Variants in LMBR1 observed in about 807,000 individuals in gnomAD.
The protein encoded by LMBR1 is limb development membrane protein 1.
Under a neutral mutation model 73.9 loss-of-function variants are expected in LMBR1, and 52 were observed. That is an observed-to-expected ratio of 0.70 (90% CI 0.56 to 0.89). The LOEUF (loss-of-function observed/expected upper bound fraction) is 0.89, where lower values mean the gene tolerates loss of function less well. LMBR1 is among the 40% of genes least tolerant of loss of function. LMBR1 has a pLI of 0.00. For synonymous variants in LMBR1, 215 were observed against 209.4 expected (o/e 1.03, Z -0.23); for missense variants, 539 against 579.8 (o/e 0.93, Z 0.72).
intron 15 of LMBR1, among the ~76,000 whole-genome samples, chr7:156,703,977 TC>T (rs1342308927): frequency 3.3e-5 from 5 of 152,088 alleles, no homozygotes; most frequent in African/African-American, 1.2e-4. Flanking sequence ...TGCAACAACT[TC>T]TAACACAAGG....
At chr7:156,687,845 CACTGTATTACAGATAAGGAAGCTAA>C (rs1209970266) in intron 16 of LMBR1, among the ~76,000 whole-genome samples, 160 bp downstream of exon 16, 1 of 152,164 alleles carries the variant, frequency 6.6e-6, no homozygotes, top group African/African-American at 2.4e-5. Flanking sequence ...ATGATACTAT[CACTGTATTACAGATAAGGAAGCTAA>C]GGCTTAATGA....
At chr7:156,888,278 C>T (rs1265369854) in intron 1 of LMBR1, among the ~76,000 whole-genome samples, 4 of 151,722 alleles carry the variant, frequency 2.6e-5, no homozygotes, top group Non-Finnish European at 4.4e-5. Context: ...GGCGTGGTGG[C>T]GGGTGCCTGT....
At chr7:156,727,470 C>T (rs192636063) in intron 12 of LMBR1, among the ~76,000 whole-genome samples, 3 of 152,084 alleles carry the variant, frequency 2.0e-5, no homozygotes, top group East Asian at 1.9e-4. Context: ...TAAGACTGTA[C>T]ATGGCAAAGG....
At chr7:156,881,824 AGAC>A (rs890394457) in intron 1 of LMBR1, among the ~76,000 whole-genome samples, 13 of 152,114 alleles carry the variant, frequency 8.5e-5, no homozygotes, top group Non-Finnish European at 1.8e-4. Context: ...AAAAAAAAGA[AGAC>A]GACAAGTGTT....
intron 1 of LMBR1, among the ~76,000 whole-genome samples, chr7:156,850,502 C>T (rs949323885): frequency 2.0e-5 from 3 of 152,142 alleles, no homozygotes; most frequent in Non-Finnish European, 2.9e-5. Flanking sequence ...TATGTATTTG[C>T]CTATTCTGGG....
intron 5 of LMBR1, among the ~76,000 whole-genome samples, chr7:156,781,734 A>C (rs1344940385): frequency 1.3e-5 from 2 of 152,132 alleles, no homozygotes; most frequent in African/African-American, 4.8e-5. Flanking sequence ...CATCCTCCCA[A>C]CCAAGTCAAC....
chr7:156,733,525 A>G (rs916420671), intron 10 of LMBR1, among the ~76,000 whole-genome samples: 1 of 152,156 alleles, frequency 6.6e-6, no homozygotes, highest in African/African-American at 2.4e-5. Context: ...AGCAAAAACC[A>G]CTAGATGAGA....
chr7:156,845,468 G>A (rs1313311925), intron 1 of LMBR1, among the ~76,000 whole-genome samples: 1 of 151,982 alleles, frequency 6.6e-6, no homozygotes, highest in Non-Finnish European at 1.5e-5. Flanking sequence ...AAATAGTTAT[G>A]AAGATAATAA....
intron 5 of LMBR1, among the ~76,000 whole-genome samples, chr7:156,790,262 G>A (rs1828965889): frequency 6.6e-6 from 1 of 152,044 alleles, no homozygotes; most frequent in Admixed American, 6.5e-5. Context: ...CATAGTTGGT[G>A]CATTTAAGCA....
chr7:156,848,718 A>G (rs1795839027), intron 1 of LMBR1, among the ~76,000 whole-genome samples: 1 of 152,036 alleles, frequency 6.6e-6, no homozygotes, highest in Admixed American at 6.6e-5. Flanking sequence ...GATCACTTGA[A>G]GTCAGGAGTT....
intron 5 of LMBR1, among the ~76,000 whole-genome samples, chr7:156,792,053 T>C (rs1007710170): frequency 9.9e-5 from 15 of 152,214 alleles, no homozygotes; most frequent in Non-Finnish European, 1.8e-4. Context: ...AAAACAAATA[T>C]ATGCCTAACT....
chr7:156,833,172 T>C (rs1836989489), intron 3 of LMBR1, among the ~76,000 whole-genome samples: 1 of 152,224 alleles, frequency 6.6e-6, no homozygotes, highest in African/African-American at 2.4e-5. Context: ...AAAAGAATTT[T>C]AATGTATCAA....
chr7:156,781,695 T>C (rs1465486126), intron 5 of LMBR1, among the ~76,000 whole-genome samples: 3 of 152,182 alleles, frequency 2.0e-5, no homozygotes, highest in Non-Finnish European at 2.9e-5. Flanking sequence ...ATGGATATAC[T>C]ACCCAACTAG....
At chr7:156,830,099 C>A (rs1836415640) in intron 3 of LMBR1, among the ~76,000 whole-genome samples, 1 of 152,174 alleles carries the variant, frequency 6.6e-6, no homozygotes, top group African/African-American at 2.4e-5. Context: ...ATGTGACCTT[C>A]TATGACATTT....
chr7:156,751,301 G>T (rs536038055), intron 9 of LMBR1, among the ~76,000 whole-genome samples: 1 of 152,142 alleles, frequency 6.6e-6, no homozygotes, highest in Non-Finnish European at 1.5e-5. Context: ...ACTCCAGAGT[G>T]GGGGAAAGCT....
intron 3 of LMBR1, among the ~76,000 whole-genome samples, chr7:156,828,056 A>G (rs1169135796): frequency 6.6e-6 from 1 of 152,234 alleles, no homozygotes; most frequent in Non-Finnish European, 1.5e-5. Flanking sequence ...AAGCTTCTCC[A>G]GTCATGGGAG....
chr7:156,681,977 G>A lies in LMBR1; in HGVS notation c.*2101C>T, dbSNP rs1805131916. ...ATGCTTGGGCATGTGCTCAGGAAGA[G>A]CCTCGAGGAACCGTGATTACGCAGC... On this transcript the variant is annotated 3_prime_UTR_variant, in exon 17 of 17. Coordinates refer to ENST00000353442, the MANE Select transcript of LMBR1 (RefSeq NM_022458.4). The A allele has an allele frequency of 6.6e-6, 1 of 152,274 alleles. No individual in the cohort carries two copies. The highest frequency in any genetic ancestry group is 2.4e-5 in the African/African-American group (1 of 41,466). 9.4% of individuals were successfully genotyped at this position (152,274 alleles called of 1,614,324 possible). A position where few individuals can be genotyped will look rare whatever the true frequency, so the allele number is the denominator to read the frequency against.
At chr7:156,857,442 C>T (rs1478630686) in intron 1 of LMBR1, among the ~76,000 whole-genome samples, 3 of 152,020 alleles carry the variant, frequency 2.0e-5, no homozygotes, top group African/African-American at 7.3e-5. Context: ...AACAAAATGT[C>T]AAAATACGTG....
chr7:156,793,270 T>C (rs1409457020), intron 5 of LMBR1, among the ~76,000 whole-genome samples: 1 of 152,186 alleles, frequency 6.6e-6, no homozygotes, highest in Non-Finnish European at 1.5e-5. Context: ...ACTACAGAAA[T>C]ATACAACATG....
Sources: allele counts gnomAD v4.1 joint callset (sites outside exome capture counted in the v4.1 genomes callset), GRCh38; gene constraint gnomAD v4.1.1; transcripts MANE v1.5; gene names NCBI Gene and HGNC (gene_info 2026-07-23, HGNC 2026-07-21).